Variants in GFRA1 observed in about 807,000 individuals in gnomAD.
GFRA1 encodes the protein GDNF family receptor alpha 1, also known as GDNF family receptor alpha-1.
GFRA1 carries 16 observed loss-of-function variants against 51.6 expected under a neutral mutation model. The ratio of observed to expected loss-of-function variants is 0.31; its 90% CI spans 0.21 to 0.47. The LOEUF (loss-of-function observed/expected upper bound fraction) is 0.47, where lower values mean the gene tolerates loss of function less well. Among genes scored for constraint, GFRA1 ranks in the 20% least tolerant of loss-of-function variants. The pLI is 1.00. For missense variants in GFRA1, 530 were observed against 594.3 expected (o/e 0.89, Z 1.13); for synonymous variants, 270 against 241.3 (o/e 1.12, Z -1.10).
intron 9 of GFRA1, among the ~76,000 whole-genome samples, chr10:116,074,038 T>A (rs1955515512): frequency 6.6e-6 from 1 of 152,166 alleles, no homozygotes; most frequent in Non-Finnish European, 1.5e-5. Flanking sequence ...ACCAAGTAGA[T>A]GAATAGTGAT....
chr10:116,102,718 C>T (rs376988605), intron 6 of GFRA1, among the ~76,000 whole-genome samples: 13 of 152,082 alleles, frequency 8.5e-5, no homozygotes, highest in African/African-American at 2.9e-4. Context: ...GAGAAGAGTA[C>T]GGGGGAAACT....
In GFRA1 at chr10:116,072,865, T is replaced by C. The variant is rs1955463797; in HGVS notation, c.1198-7239A>G. ...ATGATTCCAGTCATTCCTGCCCTACTGTCCAAATCACAGGGTTGTGAAAAT... is the reference window on the plus strand; with the variant it reads ...ATGATTCCAGTCATTCCTGCCCTACCGTCCAAATCACAGGGTTGTGAAAAT... On this transcript the variant is annotated intron_variant, in intron 9 of 10. Transcript: ENST00000355422. Among the ~76,000 whole-genome samples, 5 of 152,172 alleles carry C rather than the reference T, an allele frequency of 3.3e-5. No homozygotes were observed. The South Asian group carries it at 1.0e-3, about 32-fold the overall frequency.
At chr10:116,210,319 A>C (rs1283025470) in intron 5 of GFRA1, among the ~76,000 whole-genome samples, 2 of 152,152 alleles carry the variant, frequency 1.3e-5, no homozygotes, top group Admixed American at 1.3e-4. Flanking sequence ...TTTGTGTTTC[A>C]AGAGGAAAAA....
intron 5 of GFRA1, among the ~76,000 whole-genome samples, chr10:116,174,528 A>T (rs1001610369): frequency 6.6e-6 from 1 of 152,244 alleles, no homozygotes. Context: ...ATAAAACTCC[A>T]TAATGACCTA....
intron 7 of GFRA1, among the ~76,000 whole-genome samples, chr10:116,095,045 C>A (rs1956515477): frequency 6.6e-6 from 1 of 152,212 alleles, no homozygotes; most frequent in Non-Finnish European, 1.5e-5. Context: ...TTGGGCCCTC[C>A]ATTCATCATC....
At chr10:116,131,852 C>T (rs1958114990) in intron 5 of GFRA1, among the ~76,000 whole-genome samples, 1 of 144,296 alleles carries the variant, frequency 6.9e-6, no homozygotes, top group Non-Finnish European at 1.5e-5. Context: ...TGGGCCAAAA[C>T]TCAGAGATAG....
chr10:116,237,698 G>A (rs918914030), intron 4 of GFRA1, among the ~76,000 whole-genome samples: 1 of 151,788 alleles, frequency 6.6e-6, no homozygotes, highest in African/African-American at 2.4e-5. Context: ...CAAAGCAGTA[G>A]AACAAAGTTT....
chr10:116,097,338 G>A (rs1956641209), intron 6 of GFRA1, among the ~76,000 whole-genome samples: 1 of 152,184 alleles, frequency 6.6e-6, no homozygotes, highest in African/African-American at 2.4e-5. Flanking sequence ...GCCTGCCTTT[G>A]GGGAACAGAA....
At position 116,080,123 on chromosome 10, in the gene GFRA1, G is replaced by A. The variant is rs113541067; in HGVS notation, c.1197+9618C>T. On this transcript the variant is annotated intron_variant, in intron 9 of 10. Coordinates refer to ENST00000355422, the MANE Select transcript of GFRA1 (RefSeq NM_005264.8). ...GACAGTGATATCCAATTGCTGGGCCGAAAGCCCCTTGAAACTTACAACTAA... is the reference window on the plus strand; with the variant it reads ...GACAGTGATATCCAATTGCTGGGCCAAAAGCCCCTTGAAACTTACAACTAA... Among the ~76,000 whole-genome samples, 842 of 152,234 alleles carry A rather than the reference G, an allele frequency of 5.5e-3. 7 individuals carry two copies. Among genetic ancestry groups the A allele is most frequent in the African/African-American group, 0.019 (799 of 41,540 alleles).
intron 5 of GFRA1, among the ~76,000 whole-genome samples, chr10:116,143,967 T>C (rs1226236199): frequency 6.6e-6 from 1 of 152,156 alleles, no homozygotes; most frequent in African/African-American, 2.4e-5. Flanking sequence ...AACATCTGAA[T>C]AGAGGCTCTG....
At position 116,062,457 on chromosome 10, in the gene GFRA1, A is replaced by G. The variant is rs922993907; in HGVS notation, c.*1941T>C. ...GAAAAAAGTCAGTACTGAGTACTGTACATTTGTGTTGATTAACATTTGGAC... is the reference window on the plus strand; with the variant it reads ...GAAAAAAGTCAGTACTGAGTACTGTGCATTTGTGTTGATTAACATTTGGAC... On this transcript the variant is annotated 3_prime_UTR_variant, in exon 11 of 11. Transcript: ENST00000355422. 1.7e-5 allele frequency: 4 copies of G among 231,420 alleles called. No individual in the cohort carries two copies. In the East Asian group the frequency reaches 3.4e-4, roughly 20 times the overall value. 14.3% of individuals were successfully genotyped at this position (231,420 alleles called of 1,614,324 possible).
chr10:116,251,114 C>A (rs1220332492), intron 4 of GFRA1, among the ~76,000 whole-genome samples: 1 of 152,236 alleles, frequency 6.6e-6, no homozygotes, highest in Non-Finnish European at 1.5e-5. Flanking sequence ...TTTTCTTCTT[C>A]AGAGTACTGA....
intron 4 of GFRA1, among the ~76,000 whole-genome samples, chr10:116,213,294 T>C (rs183418761): frequency 1.9e-3 from 293 of 152,340 alleles, no homozygotes; most frequent in African/African-American, 6.8e-3. Flanking sequence ...CCAAATATAA[T>C]ATATCTCACA....
chr10:116,261,689 T>C (rs1480977362), intron 4 of GFRA1, among the ~76,000 whole-genome samples: 1 of 152,226 alleles, frequency 6.6e-6, no homozygotes, highest in Non-Finnish European at 1.5e-5. Flanking sequence ...CAAGTTTCCT[T>C]GGCATGAATA....
In GFRA1 at chr10:116,057,965, G is replaced by C. The variant is rs552402202; in HGVS notation, c.*6433C>G. On this transcript the variant is annotated 3_prime_UTR_variant, in exon 11 of 11. Coordinates refer to ENST00000355422, the MANE Select transcript of GFRA1 (RefSeq NM_005264.8). ...ATGCTTGGCACACCAGGAAGCTAAT[G>C]CTGGATCATATAGCCCTCCAATCAT... The C allele has an allele frequency of 5.5e-4, 82 of 150,210 alleles. No individual in the cohort carries two copies. The highest frequency in any genetic ancestry group is 2.0e-3 in the African/African-American group (82 of 40,860). 9.3% of individuals were successfully genotyped at this position (150,210 alleles called of 1,614,324 possible).
intron 5 of GFRA1, among the ~76,000 whole-genome samples, chr10:116,180,496 G>A (rs1962104969): frequency 6.6e-6 from 1 of 152,160 alleles, no homozygotes; most frequent in African/African-American, 2.4e-5. Flanking sequence ...TGGTAACAGA[G>A]TAACAAATAA....
At chr10:116,167,751 T>C (rs1022216175) in intron 5 of GFRA1, among the ~76,000 whole-genome samples, 1 of 152,178 alleles carries the variant, frequency 6.6e-6, no homozygotes, top group Non-Finnish European at 1.5e-5. Context: ...TCCCAGGAGA[T>C]AGCATTTTAA....
intron 9 of GFRA1, among the ~76,000 whole-genome samples, chr10:116,078,900 T>C (rs1402848088): frequency 1.3e-5 from 2 of 152,092 alleles, no homozygotes; most frequent in Non-Finnish European, 2.9e-5. Context: ...GGGCTCAGCG[T>C]TGACATGTCT....
At chr10:116,119,253 T>C (rs1017050498) in intron 6 of GFRA1, among the ~76,000 whole-genome samples, 1 of 152,102 alleles carries the variant, frequency 6.6e-6, no homozygotes, top group African/African-American at 2.4e-5. Context: ...CTTGCCCTTC[T>C]CTCAGGGTCT....
Sources: gnomAD v4.1 joint callset for allele counts (sites outside exome capture counted in the v4.1 genomes callset) on GRCh38, gnomAD v4.1.1 for gene constraint, MANE v1.5 for transcripts, NCBI Gene and HGNC (gene_info 2026-07-23, HGNC 2026-07-21) for gene names.